The following SIN3A variants were observed in gnomAD, a reference collection of about 807,000 sequenced individuals.
SIN3A encodes SIN3 transcription regulator family member A, also known as paired amphipathic helix protein Sin3a.
A neutral mutation model predicts 146.1 loss-of-function variants in SIN3A; 14 were observed. The ratio of observed to expected loss-of-function variants is 0.10; its 90% CI spans 0.06 to 0.15. SIN3A has a LOEUF of 0.15. SIN3A is among the 10% of genes least tolerant of loss of function. The pLI is 1.00. For synonymous variants in SIN3A, 572 were observed against 572.0 expected, an observed-to-expected ratio of 1.00 and a Z score of 0.00; for missense variants, 1,028 against 1,576.0, an observed-to-expected ratio of 0.65 and a Z score of 5.89.
At chr15:75,432,685 CAAAAAAA>C (rs71440236) in intron 1 of SIN3A, among the ~76,000 whole-genome samples, 4 of 84,892 alleles carry the variant, frequency 4.7e-5, no homozygotes, top group African/African-American at 9.2e-5. Flanking sequence ...GACTCTGTCT[CAAAAAAA>C]AAAAAAAAAA....
chr15:75,412,620 A>G (rs1344617809), intron 5 of SIN3A, 143 bp downstream of exon 5: 1 of 792,588 alleles, frequency 1.3e-6, no homozygotes, highest in Non-Finnish European at 1.9e-6. Context: ...TGTCATAGTG[A>G]AGTTTTCATA....
Position 75,394,687 on chromosome 15 carries a change from T to A in SIN3A, c.2270A>T (p.Tyr757Phe). Reference protein sequence around the residue: ...KSLLNEIESIYDERQEQATEE... With the variant: ...KSLLNEIESIFDERQEQATEE... The stretch of plus-strand genomic sequence containing the variant: ...CAGAAACCCCCCGCTCACCTCATCA[T>A]AGATACTCTCAATCTCATTGAGTAA... The change falls in exon 14 of 21, where the codon TAT becomes TTT. Residue 757 changes from tyrosine to phenylalanine, a missense_variant. Coordinates refer to ENST00000394947, the MANE Select transcript of SIN3A (RefSeq NM_001145358.2). 6.2e-7 allele frequency: 1 copy of A among 1,612,046 alleles called. No individual in the cohort carries two copies. Among genetic ancestry groups the A allele is most frequent in the South Asian group, 1.1e-5 (1 of 90,716 alleles).
Position 75,371,400 on chromosome 15 carries a change from C to T in SIN3A, c.*579G>A, listed in dbSNP as rs1288664051. 1 of 152,188 alleles carries T rather than the reference C, an allele frequency of 6.6e-6. No homozygotes were observed. The highest frequency in any genetic ancestry group is 1.5e-5 in the Non-Finnish European group (1 of 68,084). 9.4% of individuals were successfully genotyped at this position (152,188 alleles called of 1,614,324 possible). The stretch of plus-strand genomic sequence containing the variant: ...AGGGAATCGTCAGGAATAAAATCCA[C>T]AAGATGATCAATCCCAAAGCCAAAC... On this transcript the variant is annotated 3_prime_UTR_variant, in exon 21 of 21. Coordinates refer to ENST00000394947, the MANE Select transcript of SIN3A (RefSeq NM_001145358.2).
At chr15:75,377,302 T>G (rs1246271112) in intron 19 of SIN3A, among the ~76,000 whole-genome samples, 2 of 152,122 alleles carry the variant, frequency 1.3e-5, no homozygotes, top group African/African-American at 4.8e-5. Context: ...ACAATGACAT[T>G]AAGTGAAAAA....
At chr15:75,404,930 G>A (rs965818005) in intron 9 of SIN3A, among the ~76,000 whole-genome samples, 3 of 151,790 alleles carry the variant, frequency 2.0e-5, no homozygotes, top group Non-Finnish European at 4.4e-5. Flanking sequence ...GATTGCCTGA[G>A]CCCAGGAGTC....
At chr15:75,391,502 T>TAAA (rs35832447) in intron 15 of SIN3A, among the ~76,000 whole-genome samples, 3 of 129,606 alleles carry the variant, frequency 2.3e-5, no homozygotes, top group Admixed American at 7.9e-5. Flanking sequence ...CAGCAACACA[T>TAAA]AAAAAAAAAA....
At chr15:75,420,336 G>A (rs1480487503) in intron 3 of SIN3A, 1 of 151,966 alleles carries the variant, frequency 6.6e-6, no homozygotes, top group Non-Finnish European at 1.5e-5. Context: ...AAAAGACAAT[G>A]TTGAGGCTTG....
chr15:75,454,070 G>C (rs1021056831), upstream of SIN3A: 4 of 152,158 alleles, frequency 2.6e-5, no homozygotes, highest in African/African-American at 4.8e-5. Flanking sequence ...CTCTCCGCCG[G>C]AGGAGGCCGG....
Position 75,389,912 on chromosome 15 carries a change from G to C in SIN3A, c.2852-91C>G, listed in dbSNP as rs1380623833. On this transcript the variant is annotated intron_variant, in intron 15 of 20. Transcript: ENST00000394947. ...GCAAATCCCACAGCTGGCCTAAATG[G>C]CATTTGAAAGTATGAACACTAGGTA... is the stretch of plus-strand genomic sequence containing the variant. The C allele has an allele frequency of 6.8e-5, 84 of 1,239,544 alleles. 4 individuals carry two copies. In the Admixed American group the frequency reaches 1.6e-3, roughly 24 times the overall value. 76.8% of individuals were successfully genotyped at this position (1,239,544 alleles called of 1,614,324 possible).
rs938753846 is a variant in SIN3A, at chr15:75,370,399, G to A, written c.*1580C>T. 6.6e-6 allele frequency: 1 copy of A among 152,156 alleles called. No homozygotes were observed. The highest frequency in any genetic ancestry group is 1.5e-5 in the Non-Finnish European group (1 of 68,022). 9.4% of individuals were successfully genotyped at this position (152,156 alleles called of 1,614,324 possible). On this transcript the variant is annotated 3_prime_UTR_variant, in exon 21 of 21. Transcript: ENST00000394947. ...TGGTTACAACTAAGACTTGCGTAAT[G>A]GTTGCTGAAGAAAAATCCACCAGAG... is the stretch of plus-strand genomic sequence containing the variant.
upstream of SIN3A, among the ~76,000 whole-genome samples, chr15:75,454,440 G>A (rs2074458378): frequency 6.6e-6 from 1 of 151,276 alleles, no homozygotes; most frequent in East Asian, 1.9e-4. Context: ...GCCGCCCGGC[G>A]CTCGGTGGAC....
At chr15:75,450,219 T>A (rs186135654) in intron 1 of SIN3A, among the ~76,000 whole-genome samples, 182 of 151,586 alleles carry the variant, frequency 1.2e-3, no homozygotes, top group Middle Eastern at 6.9e-3. Context: ...AACAGACCAG[T>A]TTTGAGATTA....
chr15:75,422,116 C>T (rs970802593), intron 3 of SIN3A: 27 of 166,134 alleles, frequency 1.6e-4, no homozygotes, highest in Middle Eastern at 6.2e-3. Context: ...CATAGTGGCT[C>T]GCACCTGTAA....
At chr15:75,404,775 A>T (rs1439222150) in intron 9 of SIN3A, among the ~76,000 whole-genome samples, 2 of 152,020 alleles carry the variant, frequency 1.3e-5, no homozygotes, top group Admixed American at 1.3e-4. Context: ...AAATAAAAAA[A>T]AAACAAAAAA....
intron 13 of SIN3A, among the ~76,000 whole-genome samples, chr15:75,395,200 G>A (rs796117810): frequency 2.6e-5 from 4 of 152,204 alleles, no homozygotes; most frequent in African/African-American, 7.2e-5. Context: ...TTTGCAAAAC[G>A]TTCACAATGC....
chr15:75,419,179 T>C (rs2141527332), intron 3 of SIN3A: 1 of 152,320 alleles, frequency 6.6e-6, no homozygotes, highest in East Asian at 1.9e-4. Context: ...TGATGGTTAG[T>C]TTTTCTATAC....
At chr15:75,448,259 G>C (rs1159398479) in intron 1 of SIN3A, 4 of 152,146 alleles carry the variant, frequency 2.6e-5, no homozygotes, top group African/African-American at 9.7e-5. Flanking sequence ...CAGTACTTTG[G>C]GAGGCTGAGG....
chr15:75,430,689 T>C (rs2073999259), intron 1 of SIN3A, among the ~76,000 whole-genome samples: 1 of 152,176 alleles, frequency 6.6e-6, no homozygotes, highest in Non-Finnish European at 1.5e-5. Context: ...AACACAACCT[T>C]GTTTCCCTTT....
chr15:75,425,607 T>G (rs1393309630), intron 2 of SIN3A, among the ~76,000 whole-genome samples: 1 of 152,242 alleles, frequency 6.6e-6, no homozygotes. Context: ...TCTCCTGTCC[T>G]CTTACAAGTT....
Sources: gnomAD v4.1 joint callset for allele counts (sites outside exome capture counted in the v4.1 genomes callset) on GRCh38, gnomAD v4.1.1 for gene constraint, MANE v1.5 for transcripts, NCBI Gene and HGNC (gene_info 2026-07-23, HGNC 2026-07-21) for gene names.